FAM20B: variants seen among roughly 807,000 people sequenced by gnomAD.
FAM20B encodes the protein FAM20B glycosaminoglycan xylosylkinase.
In FAM20B, 23 loss-of-function variants were observed where a neutral mutation model predicts 43.8. The ratio of observed to expected loss-of-function variants is 0.53; its 90% CI spans 0.38 to 0.74. The LOEUF (loss-of-function observed/expected upper bound fraction) is 0.74. Among genes scored for constraint, FAM20B ranks in the 30% least tolerant of loss-of-function variants. The pLI is 0.00. For synonymous variants in FAM20B, 178 were observed against 192.4 expected (o/e 0.93, Z 0.62); for missense variants, 440 against 510.5 (o/e 0.86, Z 1.33).
At position 179,039,739 on chromosome 1, in the gene FAM20B, A is replaced by AT. The variant is rs200800546; in HGVS notation, c.-133-3974dup. 2.9e-3 allele frequency among the ~76,000 whole-genome samples: 350 copies of AT among 120,378 alleles called. 1 individual carries two copies. Among genetic ancestry groups the AT allele is most frequent in the African/African-American group, 0.011 (319 of 30,294 alleles). The allele number at this position is 120,378 out of a possible 152,430, so 79.0% of individuals were successfully genotyped here. ...CCTGTGGCATTTTATTTATTTATTT[A>AT]TTATTTTTTTTTATTGATCATTCTT... On this transcript the variant is annotated intron_variant, in intron 1 of 7. Coordinates refer to ENST00000263733, the MANE Select transcript of FAM20B (RefSeq NM_014864.4).
intron 7 of FAM20B, 101 bp from the exon 8 acceptor site, chr1:179,071,812 T>A: frequency 1.3e-6 from 1 of 784,928 alleles, no homozygotes; most frequent in South Asian, 1.7e-5. Flanking sequence ...GTTAAAGGAT[T>A]TTACCTAATT....
chr1:179,035,810 TTGTG>T (rs372208617), intron 1 of FAM20B, among the ~76,000 whole-genome samples: 5 of 150,996 alleles, frequency 3.3e-5, no homozygotes, highest in Non-Finnish European at 7.4e-5. Context: ...ATGAGTGTGT[TTGTG>T]TGTGTGTGTG....
chr1:179,040,963 T>C (rs1236068991), intron 1 of FAM20B, among the ~76,000 whole-genome samples: 4 of 142,894 alleles, frequency 2.8e-5, no homozygotes, highest in Non-Finnish European at 6.0e-5. Context: ...GAGGCGCTCC[T>C]CACATCCCAG....
intron 7 of FAM20B, among the ~76,000 whole-genome samples, chr1:179,069,430 G>T (rs940180601): frequency 1.3e-5 from 2 of 152,172 alleles, no homozygotes; most frequent in Non-Finnish European, 2.9e-5. Flanking sequence ...GAGTGTAGTG[G>T]CACGATCTCG....
At chr1:179,029,449 G>C (rs1423677302) in intron 1 of FAM20B, among the ~76,000 whole-genome samples, 1 of 152,194 alleles carries the variant, frequency 6.6e-6, no homozygotes, top group Non-Finnish European at 1.5e-5. Flanking sequence ...CTTCTGATTT[G>C]GTCTTTCTTA....
rs776166337 is a variant in FAM20B at position 179,074,251 on chromosome 1, G to A, written c.*2107G>A. 4 of 152,594 alleles carry A rather than the reference G, an allele frequency of 2.6e-5. No individual in the cohort carries two copies. The highest frequency in any genetic ancestry group is 4.8e-5 in the African/African-American group (2 of 41,424). The allele number at this position is 152,594 out of a possible 1,614,324, so 9.5% of individuals were successfully genotyped here. On this transcript the variant is annotated 3_prime_UTR_variant, in exon 8 of 8. Transcript: ENST00000263733. ...CAGACTAGCACAAAACACAGAATTC[G>A]TGTTAACCAAAGGAGGCATTGATTT...
intron 6 of FAM20B, among the ~76,000 whole-genome samples, chr1:179,065,953 C>G (rs964498383): frequency 6.6e-6 from 1 of 152,130 alleles, no homozygotes; most frequent in Non-Finnish European, 1.5e-5. Context: ...GGTAAACACG[C>G]TCCCTCTGGC....
the FAM20B span, among the ~76,000 whole-genome samples, chr1:179,017,452 C>A: frequency 6.6e-6 from 1 of 152,088 alleles, no homozygotes; most frequent in Non-Finnish European, 1.5e-5. Context: ...TTTTTCATGA[C>A]TACAAACTGT....
chr1:179,019,129 A>C, the FAM20B span, among the ~76,000 whole-genome samples: 1 of 152,196 alleles, frequency 6.6e-6, no homozygotes, highest in African/African-American at 2.4e-5. Flanking sequence ...ACCAATTCAA[A>C]TGCTAATCTT....
chr1:179,038,808 GCTAATAGTGTTGTGTA>G (rs1446427618), intron 1 of FAM20B, among the ~76,000 whole-genome samples: 1 of 152,234 alleles, frequency 6.6e-6, no homozygotes, highest in Non-Finnish European at 1.5e-5. Flanking sequence ...CTTTGTTTCA[GCTAATAGTGTTGTGTA>G]CCCTGGGAGA....
intron 1 of FAM20B, among the ~76,000 whole-genome samples, chr1:179,026,539 C>G (rs1473350549): frequency 6.6e-6 from 1 of 152,120 alleles, no homozygotes; most frequent in East Asian, 1.9e-4. Flanking sequence ...TTGAGGCAGC[C>G]CAGGGAGCGC....
At chr1:179,030,314 C>A (rs1202000152) in intron 1 of FAM20B, among the ~76,000 whole-genome samples, 1 of 149,744 alleles carries the variant, frequency 6.7e-6, no homozygotes, top group Non-Finnish European at 1.5e-5. Context: ...AAAAAAAAAA[C>A]AAAATAATAT....
At chr1:179,041,714 GA>G (rs1488486562) in intron 1 of FAM20B, among the ~76,000 whole-genome samples, 51 of 148,842 alleles carry the variant, frequency 3.4e-4, no homozygotes, top group African/African-American at 9.2e-4. Context: ...AGGGAGACAG[GA>G]GACGGGAGAC....
At chr1:179,057,132 G>A (rs544998398) in intron 4 of FAM20B, among the ~76,000 whole-genome samples, 1 of 152,224 alleles carries the variant, frequency 6.6e-6, no homozygotes, top group African/African-American at 2.4e-5. Flanking sequence ...ATCACTTGAG[G>A]GCGGGAGTTC....
chr1:179,061,446 C>T (rs1274186500), intron 4 of FAM20B, among the ~76,000 whole-genome samples: 1 of 152,048 alleles, frequency 6.6e-6, no homozygotes, highest in Non-Finnish European at 1.5e-5. Context: ...ACCCTGTCAC[C>T]CAGGCTGGAG....
intron 1 of FAM20B, among the ~76,000 whole-genome samples, chr1:179,038,411 CAAAAAAAA>C (rs34979873): frequency 7.5e-6 from 1 of 132,890 alleles, no homozygotes. Flanking sequence ...AACTGCATCT[CAAAAAAAA>C]AAAAAAAGAA....
At chr1:179,057,354 A>G (rs7515519) in intron 4 of FAM20B, among the ~76,000 whole-genome samples, 108,008 of 152,126 alleles carry the variant, frequency 0.71, 39,506 homozygotes, top group African/African-American at 0.89. Flanking sequence ...TCAAAAAAAA[A>G]AAAATATTTT....
chr1:179,061,197 GCCTT>G (rs1232180782), intron 4 of FAM20B, among the ~76,000 whole-genome samples: 1 of 150,232 alleles, frequency 6.7e-6, no homozygotes, highest in Non-Finnish European at 1.5e-5. Context: ...TCTCGCCTCA[GCCTT>G]CCGAGTATTT....
At chr1:179,068,438 G>T (rs1473383581) in intron 7 of FAM20B, among the ~76,000 whole-genome samples, 2 of 151,552 alleles carry the variant, frequency 1.3e-5, no homozygotes, top group Non-Finnish European at 2.9e-5. Flanking sequence ...TTAATATAAA[G>T]AATTTTTTTT....
Sources: allele counts gnomAD v4.1 joint callset (sites outside exome capture counted in the v4.1 genomes callset), GRCh38; gene constraint gnomAD v4.1.1; transcripts MANE v1.5; gene names NCBI Gene and HGNC (gene_info 2026-07-23, HGNC 2026-07-21).